The following DLGAP2 variants were observed in gnomAD, a reference collection of about 807,000 sequenced individuals.
DLGAP2 encodes the protein disks large-associated protein 2.
Under a neutral mutation model 100.3 loss-of-function variants are expected in DLGAP2, and 26 were observed. That is an observed-to-expected ratio of 0.26 (90% CI 0.19 to 0.36). The LOEUF is 0.36. Among genes scored for constraint, DLGAP2 ranks in the 10% least tolerant of loss-of-function variants. The pLI is 1.00. For synonymous variants in DLGAP2, 886 were observed against 630.1 expected, an observed-to-expected ratio of 1.41 and a Z score of -6.08; for missense variants, 1,858 against 1,453.2, an observed-to-expected ratio of 1.28 and a Z score of -4.53.
At chr8:1,567,342 T>G (rs935545314) in intron 6 of DLGAP2, among the ~76,000 whole-genome samples, 21 of 152,222 alleles carry the variant, frequency 1.4e-4, no homozygotes, top group Admixed American at 1.4e-3. Context: ...CTATGCTTCG[T>G]GGGTCCAGGG....
chr8:1,506,338 A>T (rs189227949), intron 4 of DLGAP2, among the ~76,000 whole-genome samples: 93 of 152,340 alleles, frequency 6.1e-4, no homozygotes, highest in African/African-American at 2.1e-3. Context: ...ATTACATTGT[A>T]GGTTCTTGGT....
chr8:910,423 A>G (rs1259840426), intron 2 of DLGAP2: 1 of 152,200 alleles, frequency 6.6e-6, no homozygotes, highest in African/African-American at 2.4e-5. Context: ...TCCGTTGGTT[A>G]CTTTCCCATA....
At chr8:1,256,757 G>A (rs1405708755) in intron 2 of DLGAP2, among the ~76,000 whole-genome samples, 1 of 152,184 alleles carries the variant, frequency 6.6e-6, no homozygotes, top group African/African-American at 2.4e-5. Context: ...ATTTGTGAAG[G>A]GGTGGTGCCT....
At chr8:809,878 G>C (rs542165017) in intron 1 of DLGAP2, among the ~76,000 whole-genome samples, 11 of 152,248 alleles carry the variant, frequency 7.2e-5, no homozygotes, top group African/African-American at 1.9e-4. Context: ...CCAGTCTGTC[G>C]TCCGTCTGGC....
intron 2 of DLGAP2, among the ~76,000 whole-genome samples, chr8:1,166,549 A>G (rs898176083): frequency 1.3e-5 from 2 of 152,220 alleles, no homozygotes; most frequent in African/African-American, 4.8e-5. Context: ...ATAGAAGGGC[A>G]GAACATTCAT....
Position 1,708,119 on chromosome 8 carries a change from G to A in DLGAP2, c.*6713G>A, listed in dbSNP as rs1452518946. The A allele has an allele frequency of 1.3e-5, 2 of 152,088 alleles. No individual in the cohort carries two copies. The highest frequency in any genetic ancestry group is 6.6e-5 in the Admixed American group (1 of 15,264). The allele number at this position is 152,088 out of a possible 1,614,324, so 9.4% of individuals were successfully genotyped here. A position where few individuals can be genotyped will look rare whatever the true frequency, so the allele number is the denominator to read the frequency against. ...CTCTCAGCTGACTGTAAGAAACTGT[G>A]CACCGTTTCCGCCATAACCGTCCTG... On this transcript the variant is annotated 3_prime_UTR_variant, in exon 15 of 15. Coordinates refer to ENST00000637795, the MANE Select transcript of DLGAP2 (RefSeq NM_001346810.2).
In DLGAP2 at chr8:1,566,611, G is replaced by C. The variant is rs149921667; in HGVS notation, c.1442+717G>C. Among the ~76,000 whole-genome samples the C allele has an allele frequency of 3.9e-3, 590 of 152,272 alleles. 4 individuals carry two copies. The highest frequency in any genetic ancestry group is 0.011 in the African/African-American group (466 of 41,558). ...TGTGAGGTCCTGGGCAAGTGGATAG[G>C]CAGGGCGGAACTGCTTCTCAGCCTT... On this transcript the variant is annotated intron_variant, in intron 6 of 14. Transcript: ENST00000637795.
intron 3 of DLGAP2, among the ~76,000 whole-genome samples, chr8:1,317,441 C>G (rs1272507989): frequency 7.0e-6 from 1 of 142,414 alleles, no homozygotes; most frequent in Non-Finnish European, 1.5e-5. Flanking sequence ...AACTTCGCAG[C>G]TTTTAAAAAT....
At chr8:1,330,623 G>C (rs1347900990) in intron 3 of DLGAP2, among the ~76,000 whole-genome samples, 1 of 138,036 alleles carries the variant, frequency 7.2e-6, no homozygotes, top group Non-Finnish European at 1.6e-5. Context: ...TGGGAGCACC[G>C]CTTCACGGGG....
intron 2 of DLGAP2, among the ~76,000 whole-genome samples, chr8:1,089,944 T>C (rs1804116155): frequency 6.6e-6 from 1 of 152,206 alleles, no homozygotes; most frequent in South Asian, 2.1e-4. Flanking sequence ...TCCGTGACTT[T>C]ACTGGAAGAA....
intron 6 of DLGAP2, among the ~76,000 whole-genome samples, chr8:1,618,433 G>C (rs1403010020): frequency 6.6e-6 from 1 of 152,194 alleles, no homozygotes; most frequent in South Asian, 2.1e-4. Context: ...TGCATTGGAA[G>C]TCTCAGTAAT....
At chr8:1,072,552 G>A (rs1357544573) in intron 2 of DLGAP2, among the ~76,000 whole-genome samples, 4 of 152,202 alleles carry the variant, frequency 2.6e-5, no homozygotes, top group Non-Finnish European at 5.9e-5. Flanking sequence ...GCAGGCACCT[G>A]GCAGGGAGGT....
At chr8:846,608 A>G (rs72621153) in intron 1 of DLGAP2, among the ~76,000 whole-genome samples, 18,590 of 152,264 alleles carry the variant, frequency 0.12, 1,735 homozygotes, top group East Asian at 0.51. Flanking sequence ...GATAGTGCAG[A>G]GATCTCTTTG....
At chr8:882,890 T>C (rs1797839570) in intron 1 of DLGAP2, among the ~76,000 whole-genome samples, 1 of 152,210 alleles carries the variant, frequency 6.6e-6, no homozygotes, top group African/African-American at 2.4e-5. Flanking sequence ...CGCTGCGACG[T>C]TGTTTTGTTG....
Position 1,633,035 on chromosome 8 carries a change from G to A in DLGAP2, c.1799G>A (p.Arg600Lys). The stretch of plus-strand genomic sequence containing the variant: ...CCCTCTGACATCACCTCCACCATCA[G>A]GTCAACAGCAGGTAAGGGGACGCCA... ...MTPSDITSTI[R>K]STAAVSYTNY... Residue 600 changes from arginine to lysine, a missense_variant, in exon 8 of 15, where the codon AGG (arginine) becomes AAG (lysine). By Grantham distance (26) the Arg-to-Lys change is conservative. Transcript: ENST00000637795. The A allele has an allele frequency of 3.7e-6, 6 of 1,613,944 alleles. No homozygotes were observed. Among genetic ancestry groups the A allele is most frequent in the Non-Finnish European group, 4.2e-6 (5 of 1,179,888 alleles).
intron 1 of DLGAP2, among the ~76,000 whole-genome samples, chr8:901,687 G>T (rs1470295129): frequency 6.6e-6 from 1 of 152,198 alleles, no homozygotes. Flanking sequence ...TTGATCAGTG[G>T]AGAGGGAGAT....
chr8:909,280 G>T (rs1798439147), intron 2 of DLGAP2, among the ~76,000 whole-genome samples: 1 of 152,098 alleles, frequency 6.6e-6, no homozygotes, highest in South Asian at 2.1e-4. Flanking sequence ...GTGTAAAAAA[G>T]ATTTTTGCAA....
chr8:1,309,728 A>G (rs10094628), intron 3 of DLGAP2, among the ~76,000 whole-genome samples: 1 of 152,230 alleles, frequency 6.6e-6, no homozygotes, highest in East Asian at 1.9e-4. Flanking sequence ...CTTTGTTGCT[A>G]CAGAAATTAA....
intron 1 of DLGAP2, among the ~76,000 whole-genome samples, chr8:877,674 A>G (rs1265646003): frequency 2.0e-5 from 3 of 152,240 alleles, no homozygotes; most frequent in African/African-American, 7.2e-5. Context: ...CCTGCAAGCC[A>G]GTAACCTACA....
Sources: gnomAD v4.1 joint callset for allele counts (sites outside exome capture counted in the v4.1 genomes callset) on GRCh38, gnomAD v4.1.1 for gene constraint, MANE v1.5 for transcripts, NCBI Gene and HGNC (gene_info 2026-07-23, HGNC 2026-07-21) for gene names.